PACSIN2: variants seen among roughly 807,000 people sequenced by gnomAD.
PACSIN2 encodes the protein protein kinase C and casein kinase substrate in neurons protein 2.
PACSIN2 carries 25 observed loss-of-function variants against 63.8 expected under a neutral mutation model. That is an observed-to-expected ratio of 0.39 (90% CI 0.29 to 0.55). The LOEUF (loss-of-function observed/expected upper bound fraction) is 0.55. Ranked by LOEUF, PACSIN2 falls within the 20% of genes least tolerant of loss-of-function variation. The pLI is 0.62. For missense variants in PACSIN2, 518 were observed against 646.9 expected, an observed-to-expected ratio of 0.80 and a Z score of 2.16; for synonymous variants, 255 against 256.2, an observed-to-expected ratio of 1.00 and a Z score of 0.05.
At chr22:42,993,407 G>A (rs921504915) in intron 1 of PACSIN2, among the ~76,000 whole-genome samples, 4 of 152,086 alleles carry the variant, frequency 2.6e-5, no homozygotes, top group Non-Finnish European at 4.4e-5. Flanking sequence ...AAAACTTATC[G>A]CCTGTTCATT....
At chr22:42,936,437 A>G (rs947182509) in intron 1 of PACSIN2, among the ~76,000 whole-genome samples, 7 of 152,194 alleles carry the variant, frequency 4.6e-5, no homozygotes, top group African/African-American at 1.7e-4. Context: ...TCTGACCTTC[A>G]GTTCCCTTGT....
intron 1 of PACSIN2, among the ~76,000 whole-genome samples, chr22:42,992,748 T>G (rs975855131): frequency 5.9e-5 from 9 of 152,366 alleles, no homozygotes; most frequent in Middle Eastern, 3.4e-3. Context: ...AATGAACAAA[T>G]TGTAGCATGC....
chr22:42,904,079 T>C (rs750175953), intron 2 of PACSIN2, among the ~76,000 whole-genome samples: 14 of 152,170 alleles, frequency 9.2e-5, no homozygotes, highest in South Asian at 4.1e-4. Flanking sequence ...ACCCAGAAAT[T>C]GCAATTTTCA....
chr22:42,924,004 T>G (rs1470230782), intron 1 of PACSIN2, among the ~76,000 whole-genome samples: 2 of 151,388 alleles, frequency 1.3e-5, no homozygotes, highest in African/African-American at 4.9e-5. Context: ...ATTGTGCCAC[T>G]GCACTTCAAT....
chr22:42,908,505 G>A (rs1457312295), intron 2 of PACSIN2, among the ~76,000 whole-genome samples: 2 of 152,242 alleles, frequency 1.3e-5, no homozygotes, highest in Non-Finnish European at 2.9e-5. Flanking sequence ...TGGAAAGGCA[G>A]GAGGAGGGCC....
intron 1 of PACSIN2, among the ~76,000 whole-genome samples, chr22:42,913,301 G>A (rs190013565): frequency 8.1e-4 from 123 of 152,262 alleles, no homozygotes; most frequent in Middle Eastern, 6.8e-3. Context: ...CCAAGACGGA[G>A]AAACCCCGTC....
chr22:42,918,246 A>G (rs1052845204), intron 1 of PACSIN2, among the ~76,000 whole-genome samples: 2 of 152,210 alleles, frequency 1.3e-5, no homozygotes, highest in African/African-American at 2.4e-5. Flanking sequence ...GAGCTGCCTC[A>G]TGGCACCATG....
At chr22:42,873,465 G>GCT (rs1845243849) in intron 10 of PACSIN2, among the ~76,000 whole-genome samples, 1 of 152,210 alleles carries the variant, frequency 6.6e-6, no homozygotes, top group African/African-American at 2.4e-5. Flanking sequence ...GGGACAGCAG[G>GCT]CTGGCACTCT....
intron 1 of PACSIN2, among the ~76,000 whole-genome samples, chr22:43,010,880 T>C (rs550924432): frequency 1.3e-5 from 2 of 152,356 alleles, no homozygotes; most frequent in Admixed American, 6.5e-5. Context: ...GTGGTTTTTA[T>C]TTGTTTTATG....
intron 1 of PACSIN2, among the ~76,000 whole-genome samples, chr22:42,920,712 G>C (rs1328639321): frequency 6.6e-6 from 1 of 152,014 alleles, no homozygotes; most frequent in Admixed American, 6.6e-5. Flanking sequence ...GCCTTGGCAG[G>C]GTAGGAACGC....
At chr22:42,971,943 T>C in intron 1 of PACSIN2, among the ~76,000 whole-genome samples, 2 of 144,186 alleles carry the variant, frequency 1.4e-5, no homozygotes, top group South Asian at 2.3e-4. Context: ...GGGGTGCCTC[T>C]GCCCGGCCGC....
chr22:42,982,169 G>T (rs1216926683), intron 1 of PACSIN2, among the ~76,000 whole-genome samples: 1 of 117,532 alleles, frequency 8.5e-6, no homozygotes, highest in Non-Finnish European at 1.8e-5. Flanking sequence ...TCCAGGAGGT[G>T]AGGGGCGCCT....
chr22:42,884,151 C>T (rs1490362377), intron 6 of PACSIN2, among the ~76,000 whole-genome samples: 3 of 152,194 alleles, frequency 2.0e-5, no homozygotes, highest in African/African-American at 2.4e-5. Flanking sequence ...AGCAATTGGC[C>T]GGGTCAACCA....
At chr22:42,995,283 T>C (rs1346993179) in intron 1 of PACSIN2, among the ~76,000 whole-genome samples, 1 of 152,216 alleles carries the variant, frequency 6.6e-6, no homozygotes, top group African/African-American at 2.4e-5. Context: ...TGGCAAGCCT[T>C]AGAAGGAAGC....
At chr22:42,906,434 C>T (rs1931079164) in intron 2 of PACSIN2, among the ~76,000 whole-genome samples, 1 of 152,198 alleles carries the variant, frequency 6.6e-6, no homozygotes, top group African/African-American at 2.4e-5. Flanking sequence ...CATTTAAAAA[C>T]ACGTAATTCT....
intron 1 of PACSIN2, among the ~76,000 whole-genome samples, chr22:42,990,061 T>C (rs984393315): frequency 3.2e-5 from 3 of 92,788 alleles, no homozygotes; most frequent in African/African-American, 8.9e-5. Context: ...TACACACACA[T>C]ATGTGTGTAT....
At chr22:42,935,558 T>C (rs1932893013) in intron 1 of PACSIN2, among the ~76,000 whole-genome samples, 1 of 152,194 alleles carries the variant, frequency 6.6e-6, no homozygotes. Context: ...AAAATGGACT[T>C]CGTGAGGGAT....
Position 42,900,136 on chromosome 22 carries a change from T to C in PACSIN2, c.61-6523A>G, listed in dbSNP as rs1930575824. The stretch of plus-strand genomic sequence containing the variant: ...ACCAGCGTGGAGCACCAACCCAGTC[T>C]ACACCACCTGCACCCACAGACAGGG... On this transcript the variant is annotated intron_variant, in intron 2 of 10. Transcript: ENST00000263246. Among the ~76,000 whole-genome samples, 3 of 152,284 alleles carry C rather than the reference T, an allele frequency of 2.0e-5. No individual in the cohort carries two copies. The South Asian group carries it at 6.2e-4, about 32-fold the overall frequency.
intron 2 of PACSIN2, among the ~76,000 whole-genome samples, chr22:42,902,768 C>T (rs1930785112): frequency 6.6e-6 from 1 of 152,208 alleles, no homozygotes; most frequent in African/African-American, 2.4e-5. Flanking sequence ...CATGCACCAC[C>T]ACGCCTGGCT....
Sources: gnomAD v4.1 joint callset for allele counts (sites outside exome capture counted in the v4.1 genomes callset) on GRCh38, gnomAD v4.1.1 for gene constraint, MANE v1.5 for transcripts, NCBI Gene and HGNC (gene_info 2026-07-23, HGNC 2026-07-21) for gene names.